The following STK32B variants were observed in gnomAD, a reference collection of about 807,000 sequenced individuals.
STK32B encodes serine/threonine kinase 32B.
In STK32B, 43 loss-of-function variants were observed where a neutral mutation model predicts 52.6. The ratio of observed to expected loss-of-function variants is 0.82; its 90% CI spans 0.64 to 1.05. STK32B has a LOEUF of 1.05. Ranked by LOEUF, STK32B falls within the 50% of genes least tolerant of loss-of-function variation. STK32B has a pLI of 0.00. For missense variants in STK32B, 621 were observed against 534.6 expected (o/e 1.16, Z -1.59); for synonymous variants, 238 against 204.3 (o/e 1.17, Z -1.41).
At chr4:5,494,952 G>A (rs932233426) in intron 11 of STK32B, among the ~76,000 whole-genome samples, 4 of 152,202 alleles carry the variant, frequency 2.6e-5, no homozygotes, top group Admixed American at 6.5e-5. Context: ...TCAGCTGTTA[G>A]TCTGATGGGC....
chr4:5,322,024 GGTGGGA>G (rs1362397087), intron 3 of STK32B, among the ~76,000 whole-genome samples: 21 of 90,866 alleles, frequency 2.3e-4, no homozygotes, highest in African/African-American at 1.2e-3. Context: ...AAAAAAAAGT[GGTGGGA>G]GTGGGGGTGG....
chr4:5,304,666 C>A (rs180783908), intron 3 of STK32B, among the ~76,000 whole-genome samples: 64 of 152,078 alleles, frequency 4.2e-4, no homozygotes, highest in African/African-American at 1.4e-3. Flanking sequence ...AATTTGGATG[C>A]CCTTTATTTC....
In STK32B at chr4:5,444,672, G is replaced by A. The variant is rs73066438; in HGVS notation, c.563-2001G>A. Among the ~76,000 whole-genome samples the A allele has an allele frequency of 7.2e-3, 1,091 of 152,296 alleles. 15 individuals carry two copies. Among genetic ancestry groups the A allele is most frequent in the African/African-American group, 0.025 (1,047 of 41,544 alleles). On this transcript the variant is annotated intron_variant, in intron 6 of 11. Coordinates refer to ENST00000282908, the MANE Select transcript of STK32B (RefSeq NM_018401.3). The stretch of plus-strand genomic sequence containing the variant: ...GGATCATGATTTGACTGTTAGTAAT[G>A]CCTAATGTTCATGGAGCACTCACTA...
At chr4:5,369,027 C>T (rs1735061307) in intron 4 of STK32B, among the ~76,000 whole-genome samples, 1 of 152,080 alleles carries the variant, frequency 6.6e-6, no homozygotes. Context: ...ACCCCACAAT[C>T]CCTGCCTCCC....
At chr4:5,255,035 T>C (rs544851477) in intron 3 of STK32B, among the ~76,000 whole-genome samples, 19 of 151,808 alleles carry the variant, frequency 1.3e-4, no homozygotes, top group African/African-American at 4.6e-4. Context: ...TATTTCACAA[T>C]GATTAAAATC....
chr4:5,172,785 C>G (rs1719494076), intron 3 of STK32B, among the ~76,000 whole-genome samples: 1 of 152,070 alleles, frequency 6.6e-6, no homozygotes, highest in Non-Finnish European at 1.5e-5. Context: ...TTGGTTGTGT[C>G]TCTGCCAGGC....
chr4:5,398,035 A>G lies in STK32B; in HGVS notation c.435-172A>G, dbSNP rs1186302245. 6.6e-6 allele frequency among the ~76,000 whole-genome samples: 1 copy of G among 152,258 alleles called. No individual in the cohort carries two copies. Among genetic ancestry groups the G allele is most frequent in the Non-Finnish European group, 1.5e-5 (1 of 68,040 alleles). ...AGGAAAGAGAAGAGGCGATAAGAACACAGGTGTCCCATTATCTTACCAATT... is the reference window on the plus strand; with the variant it reads ...AGGAAAGAGAAGAGGCGATAAGAACGCAGGTGTCCCATTATCTTACCAATT... On this transcript the variant is annotated intron_variant, in intron 4 of 11. Coordinates refer to ENST00000282908, the MANE Select transcript of STK32B (RefSeq NM_018401.3). The surrounding 1 kb of genome is among the most constrained non-coding windows in gnomAD (Gnocchi z 4.9).
At position 5,398,261 on chromosome 4, in the gene STK32B, T is replaced by A; in HGVS notation, c.472+17T>A. 1 of 1,613,954 alleles carries A rather than the reference T, an allele frequency of 6.2e-7. No homozygotes were observed. ...ATGAACACGGTAAGCCTGCTACTAA[T>A]CCTTTACAGGGACTCTCAGTGGAAA... On this transcript the variant is annotated intron_variant, in intron 5 of 11. Transcript: ENST00000282908. The surrounding 1 kb of genome is among the most constrained non-coding windows in gnomAD (Gnocchi z 4.9).
At chr4:5,446,399 C>A (rs1311795481) in intron 6 of STK32B, among the ~76,000 whole-genome samples, 1 of 152,092 alleles carries the variant, frequency 6.6e-6, no homozygotes, top group African/African-American at 2.4e-5. Flanking sequence ...AACCCCATCC[C>A]TACTAAAAAT....
intron 3 of STK32B, among the ~76,000 whole-genome samples, chr4:5,185,939 C>T (rs933976129): frequency 2.6e-5 from 4 of 152,184 alleles, no homozygotes; most frequent in African/African-American, 9.7e-5. Flanking sequence ...TGTGGGTGAT[C>T]TGTCATACAT....
chr4:5,150,713 C>A (rs1717290764), intron 2 of STK32B, among the ~76,000 whole-genome samples: 1 of 151,892 alleles, frequency 6.6e-6, no homozygotes, highest in African/African-American at 2.4e-5. Flanking sequence ...TCTTGGAGTT[C>A]TCCTCTTGGA....
chr4:5,174,946 A>ATGT (rs926375916), intron 3 of STK32B, among the ~76,000 whole-genome samples: 1 of 152,160 alleles, frequency 6.6e-6, no homozygotes, highest in Non-Finnish European at 1.5e-5. Flanking sequence ...CACCAATCAG[A>ATGT]TGTAGATTTG....
intron 3 of STK32B, among the ~76,000 whole-genome samples, chr4:5,303,504 TC>T (rs1393771992): frequency 6.6e-6 from 1 of 152,190 alleles, no homozygotes; most frequent in African/African-American, 2.4e-5. Flanking sequence ...TCTATTCATG[TC>T]CTCAGCCCAC....
At chr4:5,418,851 A>G (rs1272742617) in intron 6 of STK32B, among the ~76,000 whole-genome samples, 7 of 152,344 alleles carry the variant, frequency 4.6e-5, no homozygotes, top group Non-Finnish European at 2.9e-5. Flanking sequence ...GAGGAGTTAG[A>G]GTTGCACATG....
intron 3 of STK32B, among the ~76,000 whole-genome samples, chr4:5,330,267 A>G (rs569177175): frequency 1.3e-5 from 2 of 152,298 alleles, no homozygotes; most frequent in South Asian, 4.1e-4. Context: ...TGATTCAATT[A>G]TTATACCCTG....
the STK32B span, among the ~76,000 whole-genome samples, chr4:5,029,124 A>C: frequency 2.6e-5 from 4 of 152,178 alleles, no homozygotes; most frequent in Non-Finnish European, 5.9e-5. Flanking sequence ...ACTAGGGATT[A>C]CAATTGAACA....
chr4:5,355,578 C>T (rs1443749221), intron 4 of STK32B, among the ~76,000 whole-genome samples: 4 of 152,072 alleles, frequency 2.6e-5, no homozygotes, highest in South Asian at 4.2e-4. Flanking sequence ...TATTTTGGAC[C>T]AGATAATCCC....
chr4:5,324,810 G>C (rs539597509), intron 3 of STK32B, among the ~76,000 whole-genome samples: 8 of 152,352 alleles, frequency 5.3e-5, no homozygotes, highest in African/African-American at 1.9e-4. Context: ...GTGTGGAATT[G>C]TGAGAGTGTG....
At position 5,051,629 on chromosome 4, in the gene STK32B, G is replaced by C. The variant is rs1329524349; in HGVS notation, c.-235G>C. ...GAGCTGCGAGCGCAGCCCGAGGCGG[G>C]GCACGGCGGAAGGCGCGGCGAGAGC... is the stretch of plus-strand genomic sequence containing the variant. On this transcript the variant is annotated 5_prime_UTR_variant, in exon 1 of 12. Coordinates refer to ENST00000282908, the MANE Select transcript of STK32B (RefSeq NM_018401.3). 9.5e-6 allele frequency: 5 copies of C among 527,280 alleles called. No homozygotes were observed. The highest frequency in any genetic ancestry group is 1.3e-5 in the Non-Finnish European group (4 of 307,712). 32.7% of individuals were successfully genotyped at this position (527,280 alleles called of 1,614,324 possible).
Sources: allele counts gnomAD v4.1 joint callset (sites outside exome capture counted in the v4.1 genomes callset), GRCh38; gene constraint gnomAD v4.1.1; non-coding constraint Gnocchi (gnomAD v3.1); transcripts MANE v1.5; gene names NCBI Gene and HGNC (gene_info 2026-07-23, HGNC 2026-07-21).